CPLANE1: variants seen among roughly 807,000 people sequenced by gnomAD.
The protein encoded by CPLANE1 is ciliogenesis and planar polarity effector complex subunit 1, also known as ciliogenesis and planar polarity effector 1.
Under a neutral mutation model 362.5 loss-of-function variants are expected in CPLANE1, and 263 were observed. That is an observed-to-expected ratio of 0.73 (90% CI 0.66 to 0.80). The LOEUF is 0.80. Ranked by LOEUF, CPLANE1 falls within the 30% of genes least tolerant of loss-of-function variation. The probability of loss-of-function intolerance (pLI) is 0.00; values close to 1 mark genes in which losing one functional copy is unlikely to be tolerated. For missense variants in CPLANE1, 3,461 were observed against 3,793.4 expected, an observed-to-expected ratio of 0.91 and a Z score of 2.30; for synonymous variants, 1,212 against 1,302.6, an observed-to-expected ratio of 0.93 and a Z score of 1.50.
the CPLANE1 span, among the ~76,000 whole-genome samples, chr5:37,093,069 C>T: frequency 7.2e-5 from 11 of 152,130 alleles, no homozygotes; most frequent in Admixed American, 1.3e-4. Context: ...CACCTTAGAG[C>T]GTACCCTGTC....
In CPLANE1 at chr5:37,121,758, C is replaced by A; in HGVS notation, c.9044G>T (p.Arg3015Leu). 1.2e-6 allele frequency: 2 copies of A among 1,613,910 alleles called. No individual in the cohort carries two copies. Among genetic ancestry groups the A allele is most frequent in the South Asian group, 2.2e-5 (2 of 91,074 alleles). ...DRLLLSEHYS[R>L]RISQAYGLMN... ...CAGACCGTACGCTTGTGAGATTCGA[C>A]GACTATAGTGTTCAGAGAGCAGCAA... Residue 3015 changes from arginine (R) to leucine (L), a missense_variant, in exon 49 of 53, where the codon CGT becomes CTT. Coordinates refer to ENST00000651892, the MANE Select transcript of CPLANE1 (RefSeq NM_001384732.1).
chr5:37,175,184 G>GCACAAGT (rs747643107), intron 31 of CPLANE1, among the ~76,000 whole-genome samples: 69 of 152,170 alleles, frequency 4.5e-4, no homozygotes, highest in Non-Finnish European at 8.2e-4. Context: ...ATTCATGCTT[G>GCACAAGT]CACAAGTCAC....
intron 25 of CPLANE1, among the ~76,000 whole-genome samples, chr5:37,184,522 G>A (rs142697627): frequency 7.9e-4 from 121 of 152,244 alleles, no homozygotes; most frequent in African/African-American, 2.8e-3. Flanking sequence ...CCAGTGAAGT[G>A]TAGAATTTCA....
intron 43 of CPLANE1, among the ~76,000 whole-genome samples, chr5:37,143,010 T>A (rs1770261573): frequency 6.6e-6 from 1 of 152,234 alleles, no homozygotes; most frequent in South Asian, 2.1e-4. Context: ...AAGTTTTCTA[T>A]CTGCATGGAC....
chr5:37,084,440 C>T, the CPLANE1 span, among the ~76,000 whole-genome samples: 5 of 152,114 alleles, frequency 3.3e-5, no homozygotes, highest in Non-Finnish European at 5.9e-5. Flanking sequence ...TATCTCACAT[C>T]GCAATACTAA....
chr5:37,111,408 G>A (rs1348404638), intron 51 of CPLANE1, among the ~76,000 whole-genome samples: 2 of 152,176 alleles, frequency 1.3e-5, no homozygotes, highest in African/African-American at 4.8e-5. Flanking sequence ...GTACAGGCGT[G>A]AGCCACCGTG....
At chr5:37,210,940 TA>T in intron 16 of CPLANE1, 2 of 779,920 alleles carry the variant, frequency 2.6e-6, no homozygotes, top group Non-Finnish European at 4.8e-6. Context: ...GCCCAGATAC[TA>T]GGTTACAAAG....
At chr5:37,221,240 G>C in intron 15 of CPLANE1, 84 bp downstream of exon 15, 1 of 815,362 alleles carries the variant, frequency 1.2e-6, no homozygotes, top group Admixed American at 3.4e-5. Flanking sequence ...GATTACTTGA[G>C]CTCAGGGGTT....
chr5:37,143,779 C>CA (rs1266449074), intron 43 of CPLANE1, among the ~76,000 whole-genome samples: 2 of 151,908 alleles, frequency 1.3e-5, no homozygotes, highest in Middle Eastern at 3.4e-3. Flanking sequence ...ACTAAAAACA[C>CA]AAAAAATTTG....
chr5:37,184,939 C>T lies in CPLANE1; in HGVS notation c.4330G>A (p.Glu1444Lys). 1 of 1,614,136 alleles carries T rather than the reference C, an allele frequency of 6.2e-7. No homozygotes were observed. Among genetic ancestry groups the T allele is most frequent in the Non-Finnish European group, 8.5e-7 (1 of 1,179,988 alleles). ...WEPIEEEKPD[E>K]APGVDRYSLG... ...GAATATCTGTCAACACCTGGAGCCT[C>T]ATCTGGTTTCTCTTCTTCAATTGGT... The change falls in exon 25 of 53, where the codon GAG becomes AAG. Residue 1444 changes from glutamate to lysine, a missense_variant. Around this residue, in one of 2 missense-constraint regions of CPLANE1, gnomAD observed 3,380 missense variants for 3,666.1 expected, o/e 0.92. Transcript: ENST00000651892.
At chr5:37,224,147 T>C in intron 14 of CPLANE1, 106 bp downstream of exon 14, 3 of 685,350 alleles carry the variant, frequency 4.4e-6, no homozygotes, top group East Asian at 2.8e-5. Flanking sequence ...GTCCTGCTAA[T>C]ATAATGGCAC....
intron 42 of CPLANE1, among the ~76,000 whole-genome samples, chr5:37,150,902 G>C (rs1773363308): frequency 6.6e-6 from 1 of 152,102 alleles, no homozygotes; most frequent in African/African-American, 2.4e-5. Context: ...TTTCCTATAT[G>C]ATTCTAATGG....
At chr5:37,099,323 C>T in the CPLANE1 span, among the ~76,000 whole-genome samples, 1 of 152,112 alleles carries the variant, frequency 6.6e-6, no homozygotes, top group Non-Finnish European at 1.5e-5. Context: ...TGTTGTTCCC[C>T]CACACCCCGC....
intron 31 of CPLANE1, 71 bp downstream of exon 31, chr5:37,175,838 C>A (rs1198646202): frequency 1.8e-5 from 18 of 1,019,108 alleles, no homozygotes; most frequent in Non-Finnish European, 2.4e-5. Flanking sequence ...ATGGTACAGT[C>A]GGCATACTTT....
intron 41 of CPLANE1, among the ~76,000 whole-genome samples, chr5:37,154,467 T>TTTTTTTTTTTTTC (rs1774481845): frequency 6.9e-6 from 1 of 144,048 alleles, no homozygotes; most frequent in African/African-American, 2.7e-5. Context: ...TTCTTTTTTT[T>TTTTTTTTTTTTTC]TTTTTTTTTT....
intron 14 of CPLANE1, among the ~76,000 whole-genome samples, chr5:37,223,485 T>C (rs1469350895): frequency 1.3e-5 from 2 of 152,174 alleles, no homozygotes; most frequent in Admixed American, 1.3e-4. Context: ...GTTAAGTAAA[T>C]GAATTAATGA....
intron 4 of CPLANE1, 71 bp from the exon 5 acceptor site, chr5:37,244,678 T>A (rs1738902161): frequency 5.7e-6 from 5 of 871,970 alleles, no homozygotes; most frequent in South Asian, 5.5e-5. Context: ...ACATAATTTA[T>A]GTATTCTTAC....
At chr5:37,202,971 T>A (rs1005917307) in intron 18 of CPLANE1, among the ~76,000 whole-genome samples, 1 of 151,338 alleles carries the variant, frequency 6.6e-6, no homozygotes. Context: ...ATAGCTCAGA[T>A]GAATAGCTCA....
intron 15 of CPLANE1, among the ~76,000 whole-genome samples, chr5:37,216,235 G>A (rs79520118): frequency 6.6e-6 from 1 of 152,092 alleles, no homozygotes; most frequent in African/African-American, 2.4e-5. Flanking sequence ...TGGGGGGCAG[G>A]CAGTAGCAAA....
Sources: allele counts gnomAD v4.1 joint callset (sites outside exome capture counted in the v4.1 genomes callset), GRCh38; gene constraint gnomAD v4.1.1; regional missense constraint gnomAD v4.1.1; transcripts MANE v1.5; gene names NCBI Gene and HGNC (gene_info 2026-07-23, HGNC 2026-07-21).